Variants in CHL1 observed in about 807,000 individuals in gnomAD.
CHL1 encodes cell adhesion molecule L1 like.
Under a neutral mutation model 141.9 loss-of-function variants are expected in CHL1, and 96 were observed. That is an observed-to-expected ratio of 0.68 (90% CI 0.57 to 0.80). The LOEUF is 0.80. Ranked by LOEUF, CHL1 falls within the 30% of genes least tolerant of loss-of-function variation. The pLI, the probability that CHL1 is intolerant of heterozygous loss-of-function variation, is 0.00. For synonymous variants in CHL1, 613 were observed against 502.2 expected (o/e 1.22, Z -2.95); for missense variants, 1,820 against 1,457.2 (o/e 1.25, Z -4.05).
chr3:373,105 A>G (rs946611753), intron 15 of CHL1, among the ~76,000 whole-genome samples: 5 of 152,192 alleles, frequency 3.3e-5, no homozygotes, highest in African/African-American at 7.2e-5. Flanking sequence ...AATAGGACCC[A>G]TCTAATAAAG....
chr3:243,607 C>G (rs1163343744), intron 1 of CHL1, among the ~76,000 whole-genome samples: 1 of 152,136 alleles, frequency 6.6e-6, no homozygotes, highest in Non-Finnish European at 1.5e-5. Flanking sequence ...GTGTGAGGTT[C>G]TCTCCGGAGG....
chr3:269,845 G>A (rs989334551), intron 2 of CHL1, among the ~76,000 whole-genome samples: 45 of 152,278 alleles, frequency 3.0e-4, no homozygotes, highest in African/African-American at 1.0e-3. Context: ...CCAGTATTAA[G>A]CAGCTGGGCT....
intron 5 of CHL1, among the ~76,000 whole-genome samples, chr3:337,375 T>A (rs2125123724): frequency 6.6e-6 from 1 of 151,904 alleles, no homozygotes; most frequent in African/African-American, 2.4e-5. Flanking sequence ...ATATATATTT[T>A]TTAAATTATA....
chr3:206,759 T>G (rs374899505), intron 1 of CHL1, among the ~76,000 whole-genome samples: 1 of 152,284 alleles, frequency 6.6e-6, no homozygotes, highest in African/African-American at 2.4e-5. Context: ...TACCAGACCC[T>G]GGGCATCATT....
In CHL1 at chr3:361,811, G is replaced by A. The variant is rs1704279323; in HGVS notation, c.1418+1G>A. 1 of 1,590,090 alleles carries A rather than the reference G, an allele frequency of 6.3e-7. No homozygotes were observed. Among genetic ancestry groups the A allele is most frequent in the African/African-American group, 1.3e-5 (1 of 74,452 alleles). On this transcript the variant is annotated splice_donor_variant, in intron 13 of 27. Transcript: ENST00000256509. LOFTEE classifies it high-confidence loss of function. Reference sequence around the variant, plus strand: ...CTTCACCTGAGGCAGTCGTGTCCTGGTAAGCCGGTGGCTCATGGTTTTCTT... The same window carrying A: ...CTTCACCTGAGGCAGTCGTGTCCTGATAAGCCGGTGGCTCATGGTTTTCTT...
At chr3:209,977 A>G (rs985685023) in intron 1 of CHL1, among the ~76,000 whole-genome samples, 1 of 152,172 alleles carries the variant, frequency 6.6e-6, no homozygotes, top group Non-Finnish European at 1.5e-5. Context: ...AGTTGAGCTC[A>G]TGCTATTTTC....
At chr3:283,878 C>T (rs1290149894) in intron 2 of CHL1, among the ~76,000 whole-genome samples, 1 of 152,172 alleles carries the variant, frequency 6.6e-6, no homozygotes, top group East Asian at 1.9e-4. Context: ...GCATCCTTTC[C>T]TTCTTTTATC....
intron 2 of CHL1, among the ~76,000 whole-genome samples, chr3:305,689 T>C (rs1699166309): frequency 6.6e-6 from 1 of 151,016 alleles, no homozygotes; most frequent in Non-Finnish European, 1.5e-5. Context: ...ACATTATATA[T>C]AATATAAATG....
intron 11 of CHL1, among the ~76,000 whole-genome samples, chr3:359,352 G>A (rs988617292): frequency 2.0e-5 from 3 of 151,656 alleles, no homozygotes; most frequent in African/African-American, 7.3e-5. Context: ...CACCCAGTCT[G>A]GAGTGCAGTG....
chr3:304,192 T>C (rs1460742473), intron 2 of CHL1, among the ~76,000 whole-genome samples: 1 of 152,210 alleles, frequency 6.6e-6, no homozygotes, highest in Non-Finnish European at 1.5e-5. Flanking sequence ...GATATTGGCC[T>C]GAATTTTTGT....
intron 7 of CHL1, 35 bp downstream of exon 7, chr3:342,117 G>T: frequency 6.4e-7 from 1 of 1,557,754 alleles, no homozygotes; most frequent in Non-Finnish European, 8.8e-7. Flanking sequence ...CATCATGTAT[G>T]CTGAATGCAA....
chr3:361,914 A>G (rs1364489187), intron 13 of CHL1, 104 bp downstream of exon 13: 1 of 792,870 alleles, frequency 1.3e-6, no homozygotes, highest in Non-Finnish European at 2.2e-6. Flanking sequence ...ATATTGTTAC[A>G]TGTACCCAGT....
At position 391,040 on chromosome 3, in the gene CHL1, ACT is replaced by A; in HGVS notation, c.2675_2676del (p.Ser892TrpfsTer10). 1 of 1,614,010 alleles carries A rather than the reference ACT, an allele frequency of 6.2e-7. No individual in the cohort carries two copies. Among genetic ancestry groups the A allele is most frequent in the Non-Finnish European group, 8.5e-7 (1 of 1,179,850 alleles). On this transcript the variant is annotated frameshift_variant, in exon 22 of 28. Coordinates refer to ENST00000256509, the MANE Select transcript of CHL1 (RefSeq NM_006614.4). LOFTEE classifies it high-confidence loss of function. The stretch of plus-strand genomic sequence containing the variant: ...ATTCTAAGATTTTCAGGACAAAGAA[ACT>A]CTGGAATGGTTCCTTCCTTAGATGC...
At chr3:280,620 A>G (rs1008035358) in intron 2 of CHL1, among the ~76,000 whole-genome samples, 2 of 152,150 alleles carry the variant, frequency 1.3e-5, no homozygotes, top group African/African-American at 2.4e-5. Context: ...TTAAAGGGAG[A>G]TGTTCAACGA....
At chr3:232,101 T>C (rs1701915414) in intron 1 of CHL1, among the ~76,000 whole-genome samples, 1 of 152,020 alleles carries the variant, frequency 6.6e-6, no homozygotes, top group Non-Finnish European at 1.5e-5. Flanking sequence ...GACGTTATGC[T>C]TGGAATTCGT....
intron 2 of CHL1, among the ~76,000 whole-genome samples, chr3:301,633 T>C (rs1194837963): frequency 6.6e-6 from 1 of 152,208 alleles, no homozygotes; most frequent in Non-Finnish European, 1.5e-5. Flanking sequence ...GCAGAATTCT[T>C]GCTGTGAAAA....
intron 5 of CHL1, among the ~76,000 whole-genome samples, chr3:339,637 A>G (rs568125260): frequency 6.6e-6 from 1 of 152,300 alleles, no homozygotes; most frequent in South Asian, 2.1e-4. Flanking sequence ...TTGAATTTAG[A>G]CAAAAAGCAA....
In CHL1 at chr3:398,325, A is replaced by G. The variant is rs573919808; in HGVS notation, c.3193A>G (p.Thr1065Ala). 47 of 1,608,550 alleles carry G rather than the reference A, an allele frequency of 2.9e-5. No homozygotes were observed. In the South Asian group the frequency reaches 4.8e-4, roughly 17 times the overall value. ...PGAEHIVRLM[T>A]KNWGDNDSIF... ...AGCTGAACATATAGTTCGCCTAATG[A>G]CTAAGAATTGGGGCGATAATGATAG... Residue 1065 changes from threonine to alanine, a missense_variant, in exon 25 of 28, where the codon ACT (threonine) becomes GCT (alanine). By Grantham distance (58) the Thr-to-Ala change is moderately conservative. Transcript: ENST00000256509.
intron 10 of CHL1, among the ~76,000 whole-genome samples, chr3:353,981 T>A (rs535787369): frequency 3.2e-4 from 49 of 152,294 alleles, no homozygotes; most frequent in African/African-American, 1.0e-3. Context: ...CTTTGTAGTA[T>A]TGTTACACTG....
Sources: gnomAD v4.1 joint callset for allele counts (sites outside exome capture counted in the v4.1 genomes callset) on GRCh38, gnomAD v4.1.1 for gene constraint, MANE v1.5 for transcripts, NCBI Gene and HGNC (gene_info 2026-07-23, HGNC 2026-07-21) for gene names.